The following MROH1 variants were observed in gnomAD, a reference collection of about 807,000 sequenced individuals.
The protein encoded by MROH1 is maestro heat like repeat family member 1.
Under a neutral mutation model 116.5 loss-of-function variants are expected in MROH1, and 117 were observed. That is an observed-to-expected ratio of 1.00 (90% confidence interval 0.86 to 1.17). MROH1 has a LOEUF of 1.17. Among genes scored for constraint, MROH1 ranks in the 50% most tolerant of loss-of-function variants. The pLI is 0.00. For missense variants in MROH1, 1,873 were observed against 1,338.5 expected (o/e 1.40, Z -6.23); for synonymous variants, 921 against 583.9 (o/e 1.58, Z -8.32).
intron 12 of MROH1, among the ~76,000 whole-genome samples, chr8:144,215,144 C>T (rs1225845069): frequency 6.6e-6 from 1 of 152,232 alleles, no homozygotes; most frequent in Non-Finnish European, 1.5e-5. Flanking sequence ...AGGAACAATA[C>T]TTTGCATCCT....
intron 14 of MROH1, among the ~76,000 whole-genome samples, chr8:144,233,325 TCC>T (rs1839305195): frequency 7.4e-6 from 1 of 135,094 alleles, no homozygotes; most frequent in Admixed American, 7.7e-5. Flanking sequence ...TAACTCCCAT[TCC>T]CTCCCCCGCA....
At position 144,247,380 on chromosome 8, in the gene MROH1, G is replaced by A. The variant is rs1852448471; in HGVS notation, c.2951G>A (p.Arg984His). Residue 984 changes from arginine (R) to histidine (H), a missense_variant, in exon 30 of 44, where the codon CGC becomes CAC. Coordinates refer to ENST00000326134, the MANE Select transcript of MROH1 (RefSeq NM_032450.3). The stretch of plus-strand genomic sequence containing the variant: ...TGTGCGGACCTGTGGCCTGCCACCC[G>A]CCAGGAGGCCGTGGACTGTGTCTAC... The part of the protein sequence containing the change: ...PRCADLWPAT[R>H]QEAVDCVYSL... The A allele has an allele frequency of 5.2e-6, 4 of 770,704 alleles. No individual in the cohort carries two copies. The highest frequency in any genetic ancestry group is 2.3e-4 in the Middle Eastern group (1 of 4,400). 47.7% of individuals were successfully genotyped at this position (770,704 alleles called of 1,614,324 possible). A position where few individuals can be genotyped will look rare whatever the true frequency, so the allele number is the denominator to read the frequency against.
chr8:144,204,882 T>C (rs1235561445), intron 12 of MROH1, among the ~76,000 whole-genome samples: 1 of 152,234 alleles, frequency 6.6e-6, no homozygotes, highest in Non-Finnish European at 1.5e-5. Context: ...TTTACCTAGA[T>C]GTAGAATTTT....
chr8:144,260,986 A>T lies in MROH1; in HGVS notation c.4616A>T (p.Gln1539Leu). 2.8e-6 allele frequency: 2 copies of T among 704,586 alleles called. No individual in the cohort carries two copies. The highest frequency in any genetic ancestry group is 5.3e-6 in the Non-Finnish European group (2 of 376,488). 43.6% of individuals were successfully genotyped at this position (704,586 alleles called of 1,614,324 possible). ...ELSAAFQKHL[Q>L]EGRALHFGEF... ...TCAGCTGCTTTCCAGAAACACCTGC[A>T]GGAGGGCCGAGCCCTGCACTTCGGG... The change falls in exon 41 of 44, where the codon CAG (glutamine) becomes CTG (leucine). Residue 1539 changes from glutamine (Q) to leucine (L), a missense_variant. Coordinates refer to ENST00000326134, the MANE Select transcript of MROH1 (RefSeq NM_032450.3).
chr8:144,163,646 AC>A lies in MROH1; in HGVS notation c.-56-124del. On this transcript the variant is annotated intron_variant, in intron 2 of 43. Coordinates refer to ENST00000326134, the MANE Select transcript of MROH1 (RefSeq NM_032450.3). The surrounding 1 kb of genome is among the most constrained non-coding windows in gnomAD (Gnocchi z 4.4). The stretch of plus-strand genomic sequence containing the variant: ...CCCTGAGTGGCTCAAAGAAAATGTG[AC>A]GGAGATATTTCCCCCAGAATAAATT... The A allele has an allele frequency of 4.6e-6, 3 of 647,874 alleles. No homozygotes were observed. Among genetic ancestry groups the A allele is most frequent in the Non-Finnish European group, 7.8e-6 (3 of 382,730 alleles). The allele number at this position is 647,874 out of a possible 1,614,324, so 40.1% of individuals were successfully genotyped here.
chr8:144,158,498 C>CT (rs1818715622), intron 1 of MROH1, among the ~76,000 whole-genome samples: 1 of 152,138 alleles, frequency 6.6e-6, no homozygotes, highest in Non-Finnish European at 1.5e-5. Flanking sequence ...AATCATTCTT[C>CT]TTTTCTAAAA....
chr8:144,248,853 C>T (rs1842360206), intron 31 of MROH1, 24 bp from the exon 32 acceptor site: 1 of 776,586 alleles, frequency 1.3e-6, no homozygotes, highest in Non-Finnish European at 2.4e-6. Context: ...CTTCCCTCAA[C>T]CTCTGGCATC....
intron 32 of MROH1, among the ~76,000 whole-genome samples, chr8:144,249,673 T>C (rs1842511498): frequency 6.6e-6 from 1 of 150,880 alleles, no homozygotes; most frequent in Admixed American, 6.6e-5. Flanking sequence ...ACCTGCTTTC[T>C]GGAGCAGCAG....
In MROH1 at chr8:144,199,111, TC is replaced by T; in HGVS notation, c.949-9del. On this transcript the variant is annotated splice_polypyrimidine_tract_variant and intron_variant, in intron 10 of 43. Coordinates refer to ENST00000326134, the MANE Select transcript of MROH1 (RefSeq NM_032450.3). ...CTCTGGTCTATAACCTCGGCCCCGT[TC>T]CTGGAGCAGATCTGTGTGCCTGTGG... 6.2e-7 allele frequency: 1 copy of T among 1,613,320 alleles called. No homozygotes were observed. The highest frequency in any genetic ancestry group is 1.7e-4 in the Middle Eastern group (1 of 6,058).
Position 144,261,102 on chromosome 8 carries a change from G to C in MROH1, c.4672-12G>C. ...GGCGGGGCCAGGCGGCACTGACCAG[G>C]CCTCTCCCCAGATGCACCATTTCCC... On this transcript the variant is annotated splice_polypyrimidine_tract_variant and intron_variant, in intron 41 of 43. Transcript: ENST00000326134. 1 of 775,450 alleles carries C rather than the reference G, an allele frequency of 1.3e-6. No individual in the cohort carries two copies. The highest frequency in any genetic ancestry group is 2.4e-6 in the Non-Finnish European group (1 of 417,638). 48.0% of individuals were successfully genotyped at this position (775,450 alleles called of 1,614,324 possible). A position where few individuals can be genotyped will look rare whatever the true frequency, so the allele number is the denominator to read the frequency against.
intron 38 of MROH1, 50 bp from the exon 39 acceptor site, chr8:144,260,136 G>A (rs943241249): frequency 2.6e-6 from 2 of 758,144 alleles, no homozygotes; most frequent in Admixed American, 1.7e-5. Flanking sequence ...TGTCTTGTGG[G>A]GTAGCAGACG....
chr8:144,210,586 G>A (rs1416592134), intron 12 of MROH1, among the ~76,000 whole-genome samples: 1 of 152,120 alleles, frequency 6.6e-6, no homozygotes, highest in African/African-American at 2.4e-5. Flanking sequence ...CTACTCAGGA[G>A]GCTAAGACAT....
At position 144,239,361 on chromosome 8, in the gene MROH1, T is replaced by A; in HGVS notation, c.1630T>A (p.Leu544Met). 1.3e-6 allele frequency: 1 copy of A among 780,546 alleles called. No individual in the cohort carries two copies. The highest frequency in any genetic ancestry group is 2.4e-6 in the Non-Finnish European group (1 of 417,840). 48.4% of individuals were successfully genotyped at this position (780,546 alleles called of 1,614,324 possible). A position where few individuals can be genotyped will look rare whatever the true frequency, so the allele number is the denominator to read the frequency against. Residue 544 changes from leucine (L) to methionine (M), a missense_variant and splice_region_variant, in exon 17 of 44, where the codon TTG becomes ATG. Transcript: ENST00000326134. Reference sequence around the variant, plus strand: ...TCCCTATGCTGTAACCGGAAGACTGTTGGTGAGCCTCGCCCTTTCACAGCG... The same window carrying A: ...TCCCTATGCTGTAACCGGAAGACTGATGGTGAGCCTCGCCCTTTCACAGCG... ...PSPYAVTGRLLVVSSSPYLGD... is the reference protein window; with the variant it reads ...PSPYAVTGRLMVVSSSPYLGD...
intron 1 of MROH1, among the ~76,000 whole-genome samples, chr8:144,153,865 G>C (rs1269948199): frequency 6.8e-6 from 1 of 147,886 alleles, no homozygotes; most frequent in African/African-American, 2.5e-5. Context: ...GGTTCAAGCG[G>C]TTCTTCTCCC....
intron 12 of MROH1, among the ~76,000 whole-genome samples, chr8:144,206,389 G>A: frequency 6.7e-6 from 1 of 148,520 alleles, no homozygotes; most frequent in South Asian, 2.1e-4. Flanking sequence ...AAAGTTATTT[G>A]TTTTCCTGTT....
chr8:144,165,007 G>T (rs1298714668), intron 3 of MROH1, among the ~76,000 whole-genome samples: 1 of 151,638 alleles, frequency 6.6e-6, no homozygotes, highest in Non-Finnish European at 1.5e-5. Flanking sequence ...GTTTTTTAAG[G>T]CAGGGTCTCA....
intron 12 of MROH1, among the ~76,000 whole-genome samples, chr8:144,219,939 C>T (rs1202679077): frequency 1.3e-5 from 2 of 152,220 alleles, no homozygotes; most frequent in Non-Finnish European, 2.9e-5. Context: ...TCCAGTTCCT[C>T]ATCTGTGACA....
chr8:144,189,778 G>A (rs1828099376), intron 7 of MROH1, among the ~76,000 whole-genome samples: 1 of 152,192 alleles, frequency 6.6e-6, no homozygotes, highest in African/African-American at 2.4e-5. Flanking sequence ...TGGGCAGAAT[G>A]TGTGGCACAA....
intron 10 of MROH1, among the ~76,000 whole-genome samples, chr8:144,198,313 G>A (rs1361029294): frequency 6.6e-6 from 1 of 152,200 alleles, no homozygotes; most frequent in Non-Finnish European, 1.5e-5. Context: ...TGCGAGTGGG[G>A]ACCTAGGATG....
Sources: gnomAD v4.1 joint callset for allele counts (sites outside exome capture counted in the v4.1 genomes callset) on GRCh38, gnomAD v4.1.1 for gene constraint, Gnocchi (gnomAD v3.1) non-coding constraint, MANE v1.5 for transcripts, NCBI Gene and HGNC (gene_info 2026-07-23, HGNC 2026-07-21) for gene names.